CCSER1: variants seen among roughly 807,000 people sequenced by gnomAD.
CCSER1 encodes the protein coiled-coil serine rich protein 1, also known as serine-rich coiled-coil domain-containing protein 1.
A neutral mutation model predicts 82.0 loss-of-function variants in CCSER1; 41 were observed. The observed-to-expected ratio is 0.50, with a 90% CI of 0.39 to 0.65. The LOEUF (loss-of-function observed/expected upper bound fraction) is 0.65, where lower values mean the gene tolerates loss of function less well. CCSER1 is among the 30% of genes least tolerant of loss of function. CCSER1 has a pLI of 0.00. For missense variants in CCSER1, 1,119 were observed against 1,064.2 expected (o/e 1.05, Z -0.72); for synonymous variants, 414 against 383.9 (o/e 1.08, Z -0.92).
Position 91,345,392 on chromosome 4 carries a change from TGAA to T in CCSER1, c.2218-253167_2218-253165del, listed in dbSNP as rs532861715. On this transcript the variant is annotated intron_variant, in intron 10 of 10. Transcript: ENST00000509176. ...ACAGAGTGAAACTCCATCTCAAAAA[TGAA>T]GAAGAAGAAGAAAAAAAGAAACTCT... 1.2e-3 allele frequency among the ~76,000 whole-genome samples: 177 copies of T among 151,548 alleles called. 1 individual carries two copies. The highest frequency in any genetic ancestry group is 3.9e-3 in the African/African-American group (160 of 41,284).
At chr4:90,228,949 C>T (rs999242132) in intron 1 of CCSER1, among the ~76,000 whole-genome samples, 3 of 152,196 alleles carry the variant, frequency 2.0e-5, no homozygotes, top group African/African-American at 7.2e-5. Flanking sequence ...CGAGCAAAGC[C>T]TCCAAGAAAT....
intron 5 of CCSER1, among the ~76,000 whole-genome samples, chr4:90,534,215 T>C (rs1051465837): frequency 7.2e-5 from 11 of 152,276 alleles, no homozygotes; most frequent in Admixed American, 2.6e-4. Flanking sequence ...CTGCAAGCTC[T>C]GCCTCCAGGG....
At chr4:90,368,353 C>T (rs890538648) in intron 3 of CCSER1, among the ~76,000 whole-genome samples, 1 of 151,852 alleles carries the variant, frequency 6.6e-6, no homozygotes, top group Non-Finnish European at 1.5e-5. Flanking sequence ...AAAGGGAATG[C>T]GGCTTGGCAT....
At chr4:90,857,619 G>A (rs1764601865) in intron 8 of CCSER1, among the ~76,000 whole-genome samples, 1 of 152,028 alleles carries the variant, frequency 6.6e-6, no homozygotes, top group South Asian at 2.1e-4. Flanking sequence ...TACCACATCA[G>A]CCACATGACA....
chr4:91,142,208 T>C (rs963359307), intron 10 of CCSER1, among the ~76,000 whole-genome samples: 20 of 152,256 alleles, frequency 1.3e-4, no homozygotes, highest in Middle Eastern at 3.4e-3. Context: ...AGTGAATAAG[T>C]GTCACAAGAT....
chr4:90,546,808 A>T (rs1269692839), intron 5 of CCSER1, among the ~76,000 whole-genome samples: 5 of 152,116 alleles, frequency 3.3e-5, no homozygotes, highest in Non-Finnish European at 4.4e-5. Flanking sequence ...AAGACACAAA[A>T]CATGTATATA....
intron 5 of CCSER1, among the ~76,000 whole-genome samples, chr4:90,493,107 C>T (rs528003057): frequency 2.6e-4 from 40 of 152,172 alleles, no homozygotes; most frequent in Admixed American, 1.6e-3. Context: ...ACGAGAACTA[C>T]GTGATGAATG....
intron 8 of CCSER1, among the ~76,000 whole-genome samples, chr4:90,850,169 G>T (rs1380311419): frequency 6.6e-6 from 1 of 152,190 alleles, no homozygotes; most frequent in South Asian, 2.1e-4. Flanking sequence ...CAGGAGTCAA[G>T]AATTGAGGTT....
intron 5 of CCSER1, among the ~76,000 whole-genome samples, chr4:90,585,916 A>G (rs917725385): frequency 6.6e-6 from 1 of 152,208 alleles, no homozygotes; most frequent in Non-Finnish European, 1.5e-5. Context: ...TGTATCTCAT[A>G]GTAACATCAA....
At chr4:91,374,680 ACT>A (rs1750275890) in intron 10 of CCSER1, among the ~76,000 whole-genome samples, 1 of 152,230 alleles carries the variant, frequency 6.6e-6, no homozygotes, top group Non-Finnish European at 1.5e-5. Flanking sequence ...AATAATTTTG[ACT>A]TTCAAGTTTT....
chr4:90,646,451 AAAAC>A (rs1719854009), intron 6 of CCSER1, among the ~76,000 whole-genome samples: 1 of 152,076 alleles, frequency 6.6e-6, no homozygotes, highest in African/African-American at 2.4e-5. Flanking sequence ...ATAGACCTAA[AAAAC>A]AAACACCTTA....
chr4:90,901,012 T>G (rs1580998436), intron 8 of CCSER1, among the ~76,000 whole-genome samples: 1 of 152,126 alleles, frequency 6.6e-6, no homozygotes, highest in Admixed American at 6.6e-5. Context: ...TCTTCTTAAA[T>G]TGAATCATTT....
At position 90,671,257 on chromosome 4, in the gene CCSER1, A is replaced by G. The variant is rs551053529; in HGVS notation, c.1932+43025A>G. ...GCCACATTAATTGACTCTTCCATTC[A>G]TAAAAGATTTCTCTGTAGCACGTGA... On this transcript the variant is annotated intron_variant, in intron 6 of 10. Coordinates refer to ENST00000509176, the MANE Select transcript of CCSER1 (RefSeq NM_001145065.2). Among the ~76,000 whole-genome samples, 15 of 152,162 alleles carry G rather than the reference A, an allele frequency of 9.9e-5. No individual in the cohort carries two copies. In the South Asian group the frequency reaches 3.1e-3, roughly 31 times the overall value.
chr4:90,894,785 T>G (rs1723463666), intron 8 of CCSER1, among the ~76,000 whole-genome samples: 1 of 152,044 alleles, frequency 6.6e-6, no homozygotes, highest in South Asian at 2.1e-4. Flanking sequence ...CCAGACACTT[T>G]CCATGTGCTG....
chr4:90,637,054 A>G (rs1233136350), intron 6 of CCSER1, among the ~76,000 whole-genome samples: 3 of 152,202 alleles, frequency 2.0e-5, no homozygotes, highest in Non-Finnish European at 4.4e-5. Context: ...CTAGTAGACT[A>G]AATCAATATT....
chr4:90,342,740 A>C (rs745848999), intron 3 of CCSER1, among the ~76,000 whole-genome samples: 1 of 152,092 alleles, frequency 6.6e-6, no homozygotes, highest in African/African-American at 2.4e-5. Flanking sequence ...ATACTCCAGG[A>C]CTTTGTGGAA....
intron 1 of CCSER1, among the ~76,000 whole-genome samples, chr4:90,210,500 G>C (rs1436954634): frequency 6.7e-6 from 1 of 149,000 alleles, no homozygotes; most frequent in African/African-American, 2.5e-5. Flanking sequence ...CTGAAGTGAA[G>C]TGGTGAAATC....
intron 1 of CCSER1, among the ~76,000 whole-genome samples, chr4:90,176,103 A>G (rs1373220686): frequency 1.3e-5 from 2 of 151,938 alleles, no homozygotes; most frequent in Non-Finnish European, 2.9e-5. Flanking sequence ...ATAGTTGGGA[A>G]CTTTTAAATG....
chr4:90,985,201 A>G (rs894828445), intron 9 of CCSER1, among the ~76,000 whole-genome samples: 15 of 150,158 alleles, frequency 1.0e-4, no homozygotes, highest in African/African-American at 3.4e-4. Context: ...ATTTTTTGTA[A>G]TTGTAATTAA....
Sources: gnomAD v4.1 joint callset for allele counts (sites outside exome capture counted in the v4.1 genomes callset) on GRCh38, gnomAD v4.1.1 for gene constraint, MANE v1.5 for transcripts, NCBI Gene and HGNC (gene_info 2026-07-23, HGNC 2026-07-21) for gene names.